The following RABGAP1L variants were observed in gnomAD, a reference collection of about 807,000 sequenced individuals.
RABGAP1L encodes the protein RAB GTPase activating protein 1 like, also known as rab GTPase-activating protein 1-like.
In RABGAP1L, 63 loss-of-function variants were observed where a neutral mutation model predicts 137.7. The ratio of observed to expected loss-of-function variants is 0.46; its 90% CI spans 0.37 to 0.56. The LOEUF (loss-of-function observed/expected upper bound fraction) is 0.56. Among genes scored for constraint, RABGAP1L ranks in the 20% least tolerant of loss-of-function variants. The pLI is 0.00. For synonymous variants in RABGAP1L, 431 were observed against 433.7 expected (o/e 0.99, Z 0.08); for missense variants, 1,095 against 1,244.0 (o/e 0.88, Z 1.80).
intron 13 of RABGAP1L, among the ~76,000 whole-genome samples, chr1:174,562,365 G>C (rs530034707): frequency 6.6e-6 from 1 of 152,332 alleles, no homozygotes; most frequent in South Asian, 2.1e-4. Flanking sequence ...ACAGATGCTG[G>C]AGAGGATGTA....
intron 13 of RABGAP1L, among the ~76,000 whole-genome samples, chr1:174,491,032 G>A (rs772935792): frequency 1.1e-4 from 17 of 152,194 alleles, no homozygotes; most frequent in Non-Finnish European, 2.4e-4. Context: ...CTGGAATCGG[G>A]GACCCCAAGA....
intron 11 of RABGAP1L, among the ~76,000 whole-genome samples, chr1:174,345,421 C>T (rs749583121): frequency 2.6e-5 from 4 of 152,174 alleles, no homozygotes; most frequent in South Asian, 2.1e-4. Flanking sequence ...AGTGCGTGAA[C>T]GTGGAATATC....
intron 19 of RABGAP1L, among the ~76,000 whole-genome samples, chr1:174,953,549 A>G (rs1668051193): frequency 6.6e-6 from 1 of 152,176 alleles, no homozygotes; most frequent in South Asian, 2.1e-4. Flanking sequence ...ATGACAGGTG[A>G]GGGTATTGAT....
intron 3 of RABGAP1L, among the ~76,000 whole-genome samples, chr1:174,228,915 G>A (rs1312733800): frequency 6.6e-6 from 1 of 152,124 alleles, no homozygotes; most frequent in Non-Finnish European, 1.5e-5. Flanking sequence ...ATTTTAGGTA[G>A]GGGCATGAAG....
In RABGAP1L at chr1:174,272,477, T is replaced by G; in HGVS notation, c.1050T>G (p.Asp350Glu). 6.3e-7 allele frequency: 1 copy of G among 1,589,088 alleles called. No individual in the cohort carries two copies. Among genetic ancestry groups the G allele is most frequent in the Non-Finnish European group, 8.5e-7 (1 of 1,170,938 alleles). ...NVKNSDMHLL[D>E]MESMGKSYDG... Reference sequence around the variant, plus strand: ...AGAACAGTGACATGCATTTACTGGATATGGTAATGATAATCTTAAGCACCT... The same window carrying G: ...AGAACAGTGACATGCATTTACTGGAGATGGTAATGATAATCTTAAGCACCT... Residue 350 changes from aspartate (D) to glutamate (E), a missense_variant, in exon 8 of 26, where the codon GAT becomes GAG. Physicochemically the swap from Asp to Glu is conservative, Grantham distance 45 (BLOSUM62 2). This residue lies in a region of RABGAP1L where 112 missense variants were observed against 157.3 expected (regional missense o/e 0.71). Coordinates refer to ENST00000681986, the MANE Select transcript of RABGAP1L (RefSeq NM_001366446.1).
At chr1:174,553,869 G>A (rs1666709576) in intron 13 of RABGAP1L, among the ~76,000 whole-genome samples, 1 of 152,184 alleles carries the variant, frequency 6.6e-6, no homozygotes. Context: ...GCACACACCT[G>A]TAGTCCCAGC....
chr1:174,965,545 A>T (rs775125789), intron 20 of RABGAP1L, among the ~76,000 whole-genome samples: 1 of 152,238 alleles, frequency 6.6e-6, no homozygotes, highest in Non-Finnish European at 1.5e-5. Context: ...GAAGAACTGT[A>T]AAAGACAGCC....
intron 13 of RABGAP1L, among the ~76,000 whole-genome samples, chr1:174,584,514 C>A (rs1272385996): frequency 6.6e-6 from 1 of 152,132 alleles, no homozygotes; most frequent in African/African-American, 2.4e-5. Context: ...GATTGCTTGA[C>A]TTCAGGAGTT....
chr1:174,850,103 G>T (rs1299785146), intron 19 of RABGAP1L: 1 of 505,712 alleles, frequency 2.0e-6, no homozygotes, highest in Non-Finnish European at 4.0e-6. Flanking sequence ...TCATCTTGTT[G>T]ATTTCCCATT....
At chr1:174,216,314 A>T (rs918219099) in intron 1 of RABGAP1L, among the ~76,000 whole-genome samples, 1 of 152,178 alleles carries the variant, frequency 6.6e-6, no homozygotes, top group African/African-American at 2.4e-5. Context: ...ATTGCTTCTA[A>T]CACAAAGGAT....
At chr1:174,399,887 C>CATTATGGGACATCCTGGTCCCATA (rs1327265781) in intron 13 of RABGAP1L, among the ~76,000 whole-genome samples, 1 of 152,164 alleles carries the variant, frequency 6.6e-6, no homozygotes, top group Non-Finnish European at 1.5e-5. Context: ...TCCCACGACA[C>CATTATGGGACATCCTGGTCCCATA]ATGAGGATTA....
At chr1:174,468,783 G>A (rs960948093) in intron 13 of RABGAP1L, among the ~76,000 whole-genome samples, 2 of 152,098 alleles carry the variant, frequency 1.3e-5, no homozygotes, top group South Asian at 4.1e-4. Context: ...CCATGGGGCA[G>A]GGACTTTGTC....
chr1:174,791,190 CAAAAAAAAA>C (rs369764170), intron 18 of RABGAP1L, among the ~76,000 whole-genome samples: 1 of 102,696 alleles, frequency 9.7e-6, no homozygotes, highest in African/African-American at 3.9e-5. Context: ...GACTCCATCT[CAAAAAAAAA>C]AAAAGAAAAA....
chr1:174,834,650 G>T (rs1692548216), intron 19 of RABGAP1L, among the ~76,000 whole-genome samples: 1 of 134,912 alleles, frequency 7.4e-6, no homozygotes, highest in Non-Finnish European at 1.5e-5. Context: ...CAGACATGCT[G>T]TTGGGATAAT....
intron 14 of RABGAP1L, among the ~76,000 whole-genome samples, chr1:174,651,157 C>A (rs973199465): frequency 5.9e-5 from 9 of 152,084 alleles, no homozygotes; most frequent in Admixed American, 3.3e-4. Context: ...GAGTGAGTTT[C>A]TTAATCCTGA....
At chr1:174,886,892 C>T (rs889440496) in intron 19 of RABGAP1L, among the ~76,000 whole-genome samples, 1 of 151,456 alleles carries the variant, frequency 6.6e-6, no homozygotes, top group Non-Finnish European at 1.5e-5. Flanking sequence ...CTGTAACCTT[C>T]GCCTTCCAGG....
At chr1:174,949,478 G>A (rs1333434608) in intron 19 of RABGAP1L, among the ~76,000 whole-genome samples, 1 of 152,176 alleles carries the variant, frequency 6.6e-6, no homozygotes, top group Non-Finnish European at 1.5e-5. Flanking sequence ...ATTGGTTGGG[G>A]GAGCAGACAA....
intron 19 of RABGAP1L, among the ~76,000 whole-genome samples, chr1:174,885,551 T>C (rs1421153227): frequency 6.6e-6 from 1 of 152,100 alleles, no homozygotes; most frequent in Non-Finnish European, 1.5e-5. Context: ...AGATGGGGTT[T>C]CACTGTGTTG....
At chr1:174,564,226 C>T (rs908405380) in intron 13 of RABGAP1L, among the ~76,000 whole-genome samples, 14 of 152,112 alleles carry the variant, frequency 9.2e-5, no homozygotes, top group African/African-American at 3.4e-4. Context: ...TGGAAAACCA[C>T]AAACAAGATT....
Sources: allele counts gnomAD v4.1 joint callset (sites outside exome capture counted in the v4.1 genomes callset), GRCh38; gene constraint gnomAD v4.1.1; regional missense constraint gnomAD v4.1.1; transcripts MANE v1.5; gene names NCBI Gene and HGNC (gene_info 2026-07-23, HGNC 2026-07-21).